MACROD2: variants seen among roughly 807,000 people sequenced by gnomAD.
The protein encoded by MACROD2 is ADP-ribose glycohydrolase MACROD2.
Under a neutral mutation model 70.4 loss-of-function variants are expected in MACROD2, and 36 were observed. The observed-to-expected ratio is 0.51, with a 90% CI of 0.39 to 0.68. The LOEUF (loss-of-function observed/expected upper bound fraction) is 0.68. MACROD2 is among the 30% of genes least tolerant of loss of function. The pLI, the probability that MACROD2 is intolerant of heterozygous loss-of-function variation, is 0.00. For missense variants in MACROD2, 496 were observed against 538.4 expected (o/e 0.92, Z 0.78); for synonymous variants, 172 against 178.8 (o/e 0.96, Z 0.30).
chr20:15,478,367 C>T (rs1483307972), intron 7 of MACROD2, among the ~76,000 whole-genome samples: 2 of 152,124 alleles, frequency 1.3e-5, no homozygotes, highest in African/African-American at 4.8e-5. Context: ...CCTCTAGGGG[C>T]CAGAGAAAGT....
chr20:15,169,907 G>A (rs2076411335), intron 5 of MACROD2, among the ~76,000 whole-genome samples: 1 of 152,012 alleles, frequency 6.6e-6, no homozygotes, highest in Admixed American at 6.6e-5. Context: ...TGTTGTCACT[G>A]TATTTTACTT....
intron 5 of MACROD2, among the ~76,000 whole-genome samples, chr20:15,210,749 T>C (rs927467607): frequency 1.3e-5 from 2 of 152,066 alleles, no homozygotes; most frequent in Non-Finnish European, 2.9e-5. Context: ...TGTTTAAAAG[T>C]GTGTAGCACC....
intron 4 of MACROD2, among the ~76,000 whole-genome samples, chr20:14,679,994 G>C (rs2070912275): frequency 6.6e-6 from 1 of 152,202 alleles, no homozygotes; most frequent in African/African-American, 2.4e-5. Flanking sequence ...CACTGAGTGA[G>C]AGCCACATTT....
chr20:15,456,764 C>A (rs2046732403), intron 7 of MACROD2, among the ~76,000 whole-genome samples: 1 of 152,056 alleles, frequency 6.6e-6, no homozygotes, highest in Admixed American at 6.6e-5. Context: ...TGGGTCTTAC[C>A]CCTCAAAATT....
chr20:15,579,385 CAGA>C (rs1232905005), intron 8 of MACROD2, among the ~76,000 whole-genome samples: 1 of 152,114 alleles, frequency 6.6e-6, no homozygotes, highest in Non-Finnish European at 1.5e-5. Flanking sequence ...TTCAAGTGCT[CAGA>C]AGAACATCTG....
rs148328725 is a variant in MACROD2 at position 14,664,339 on chromosome 20, G to A, written c.302-20504G>A. Among the ~76,000 whole-genome samples the A allele has an allele frequency of 6.2e-3, 939 of 152,138 alleles. 5 individuals carry two copies. The highest frequency in any genetic ancestry group is 0.019 in the African/African-American group (792 of 41,522). On this transcript the variant is annotated intron_variant, in intron 4 of 17. Transcript: ENST00000684519. ...GTTTCGGTAAGCCCTTATGTGCTTC[G>A]AGTGGGCTGAAAAGAATGTGAAATA...
chr20:14,661,182 T>C (rs1986209550), intron 4 of MACROD2, among the ~76,000 whole-genome samples: 2 of 151,766 alleles, frequency 1.3e-5, no homozygotes, highest in African/African-American at 4.8e-5. Flanking sequence ...TGTGTAAGTG[T>C]TCTGTTTTCT....
chr20:15,580,260 C>T (rs945525058), intron 8 of MACROD2, among the ~76,000 whole-genome samples: 12 of 152,146 alleles, frequency 7.9e-5, no homozygotes, highest in South Asian at 2.1e-4. Flanking sequence ...GCCTCCTTCC[C>T]GTGACAATTT....
chr20:15,122,550 A>C (rs756866912), intron 5 of MACROD2, among the ~76,000 whole-genome samples: 61 of 152,338 alleles, frequency 4.0e-4, no homozygotes, highest in Admixed American at 7.8e-4. Context: ...GGATAGAAAT[A>C]ACTGTTTTGT....
chr20:14,199,528 G>C (rs1053359434), intron 3 of MACROD2, among the ~76,000 whole-genome samples: 1 of 152,116 alleles, frequency 6.6e-6, no homozygotes, highest in African/African-American at 2.4e-5. Context: ...CTTAATTTAT[G>C]CTACCCAATT....
intron 5 of MACROD2, among the ~76,000 whole-genome samples, chr20:15,204,991 T>C (rs542833095): frequency 6.6e-6 from 1 of 152,260 alleles, no homozygotes; most frequent in South Asian, 2.1e-4. Context: ...TTAATTACTC[T>C]ACAGATAAAA....
At chr20:14,709,423 T>TA (rs1370459957) in intron 5 of MACROD2, among the ~76,000 whole-genome samples, 1 of 151,900 alleles carries the variant, frequency 6.6e-6, no homozygotes, top group Non-Finnish European at 1.5e-5. Context: ...TCACATAAGG[T>TA]AAGGAGGGTG....
chr20:15,704,088 C>G (rs1371694067), intron 8 of MACROD2, among the ~76,000 whole-genome samples: 3 of 152,194 alleles, frequency 2.0e-5, no homozygotes. Context: ...CCCTCCTACT[C>G]TAGTCAGGGC....
At chr20:14,733,168 G>A (rs964566755) in intron 5 of MACROD2, among the ~76,000 whole-genome samples, 1 of 152,076 alleles carries the variant, frequency 6.6e-6, no homozygotes, top group Non-Finnish European at 1.5e-5. Flanking sequence ...GGATTGAGTG[G>A]TTCTTCTTGC....
intron 4 of MACROD2, among the ~76,000 whole-genome samples, chr20:14,628,061 A>G (rs193064516): frequency 1.8e-4 from 28 of 152,350 alleles, no homozygotes; most frequent in African/African-American, 6.5e-4. Context: ...TGAACCTTTA[A>G]GATAAGTAGG....
chr20:15,848,330 C>T (rs767545125), intron 8 of MACROD2, among the ~76,000 whole-genome samples: 8 of 151,740 alleles, frequency 5.3e-5, no homozygotes, highest in Non-Finnish European at 7.4e-5. Flanking sequence ...TGCAGTGTGC[C>T]GAAGAGAGGC....
At chr20:15,279,780 G>T (rs1031837161) in intron 6 of MACROD2, among the ~76,000 whole-genome samples, 1 of 152,134 alleles carries the variant, frequency 6.6e-6, no homozygotes, top group Non-Finnish European at 1.5e-5. Context: ...AGCATCTACC[G>T]TATGCCAGAC....
intron 3 of MACROD2, among the ~76,000 whole-genome samples, chr20:14,206,886 T>A (rs977023162): frequency 6.6e-6 from 1 of 152,142 alleles, no homozygotes; most frequent in African/African-American, 2.4e-5. Context: ...CTTAACTGAG[T>A]ACATTGCATA....
chr20:15,712,187 C>T (rs907475267), intron 8 of MACROD2, among the ~76,000 whole-genome samples: 2 of 152,238 alleles, frequency 1.3e-5, no homozygotes, highest in Non-Finnish European at 2.9e-5. Flanking sequence ...CAAACTATTT[C>T]TTAAGAAGGC....
Sources: allele counts gnomAD v4.1 joint callset (sites outside exome capture counted in the v4.1 genomes callset), GRCh38; gene constraint gnomAD v4.1.1; transcripts MANE v1.5; gene names NCBI Gene and HGNC (gene_info 2026-07-23, HGNC 2026-07-21).